The following CFAP47 variants were observed in gnomAD, a reference collection of about 807,000 sequenced individuals.
CFAP47 encodes cilia and flagella associated protein 47.
CFAP47 carries 29 observed loss-of-function variants against 148.1 expected under a neutral mutation model. That is an observed-to-expected ratio of 0.20 (90% CI 0.15 to 0.27). The LOEUF (loss-of-function observed/expected upper bound fraction) is 0.27. Ranked by LOEUF, CFAP47 falls within the 10% of genes least tolerant of loss-of-function variation. The pLI is 1.00. For missense variants in CFAP47, 1,872 were observed against 1,697.5 expected, an observed-to-expected ratio of 1.10 and a Z score of -1.81; for synonymous variants, 664 against 577.3, an observed-to-expected ratio of 1.15 and a Z score of -2.15.
At chrX:36,363,708 TATATC>T (rs1159720916) in intron 61 of CFAP47, among the ~76,000 whole-genome samples, 2 of 111,955 alleles carry the variant, frequency 1.8e-5, no homozygotes, top group Non-Finnish European at 3.8e-5. Flanking sequence ...AAAAAGAAAA[TATATC>T]ATGTTTCACA....
chrX:36,292,454 G>T (rs1556005723), intron 51 of CFAP47, among the ~76,000 whole-genome samples: 1 of 111,718 alleles, frequency 9.0e-6, no homozygotes, highest in Non-Finnish European at 1.9e-5. Context: ...TAAAATTGAA[G>T]ATTTCCTCAA....
intron 26 of CFAP47, among the ~76,000 whole-genome samples, chrX:36,052,911 C>T (rs888298082): frequency 1.9e-4 from 21 of 111,519 alleles, no homozygotes; most frequent in Non-Finnish European, 4.0e-4. Flanking sequence ...ATTTAGCATG[C>T]CTCTTTCAGA....
At position 36,384,977 on chromosome X, in the gene CFAP47, A is replaced by G; in HGVS notation, c.9535A>G (p.Lys3179Glu). The G allele has an allele frequency of 8.6e-7, 1 of 1,164,997 alleles. No individual in the cohort carries two copies. The highest frequency in any genetic ancestry group is 1.1e-6 in the Non-Finnish European group (1 of 870,324). ...AAGAACAGGGGTGTCTTCCACCATC[A>G]AGGGTGCTCCTTTGGTGAAGAATCA... Reference protein sequence around the residue: ...LIRTGVSSTIKGAPLVKNQ With the variant: ...LIRTGVSSTIEGAPLVKNQ Residue 3179 changes from lysine (K) to glutamate (E), a missense_variant, in exon 64 of 64, where the codon AAG becomes GAG. By Grantham distance (56) the Lys-to-Glu change is moderately conservative (BLOSUM62 1). Coordinates refer to ENST00000378653, the MANE Select transcript of CFAP47 (RefSeq NM_001304548.2).
intron 53 of CFAP47, among the ~76,000 whole-genome samples, chrX:36,301,787 G>GGGTT (rs1417768561): frequency 1.8e-5 from 2 of 110,875 alleles, no homozygotes; most frequent in Non-Finnish European, 3.8e-5. Flanking sequence ...TTTGGTCAGT[G>GGGTT]GGTTAATGCC....
At chrX:36,251,002 C>T (rs1280336009) in intron 48 of CFAP47, among the ~76,000 whole-genome samples, 3 of 111,095 alleles carry the variant, frequency 2.7e-5, no homozygotes, top group African/African-American at 9.8e-5. Context: ...TGCCTAAAGA[C>T]AATTGTGCAT....
intron 33 of CFAP47, among the ~76,000 whole-genome samples, chrX:36,132,793 G>A (rs1446442017): frequency 9.0e-6 from 1 of 111,710 alleles, no homozygotes; most frequent in Non-Finnish European, 1.9e-5. Context: ...TACGGCCCAT[G>A]CCTACTGGTA....
intron 45 of CFAP47, among the ~76,000 whole-genome samples, chrX:36,213,354 C>T (rs1198285360): frequency 9.0e-6 from 1 of 111,141 alleles, no homozygotes; most frequent in African/African-American, 3.3e-5. Flanking sequence ...TGCCAGTGGT[C>T]ACCAACCCTG....
chrX:36,384,004 G>C (rs1010563168), intron 63 of CFAP47, among the ~76,000 whole-genome samples: 1 of 111,701 alleles, frequency 9.0e-6, no homozygotes, highest in Non-Finnish European at 1.9e-5. Context: ...GATGGTGATT[G>C]TCAGCAATGA....
chrX:36,025,388 C>CT (rs1489229976), intron 22 of CFAP47, among the ~76,000 whole-genome samples: 1 of 110,465 alleles, frequency 9.1e-6, no homozygotes, highest in Non-Finnish European at 1.9e-5. Flanking sequence ...AATCCTAGCA[C>CT]TTTGGGAGGC....
At chrX:36,060,323 T>C (rs760859339) in intron 26 of CFAP47, among the ~76,000 whole-genome samples, 1 of 111,804 alleles carries the variant, frequency 8.9e-6, no homozygotes, top group African/African-American at 3.2e-5. Flanking sequence ...GAAACAGCAT[T>C]AAAAATCTGT....
chrX:36,315,400 C>T (rs1026017860), intron 56 of CFAP47, among the ~76,000 whole-genome samples: 2 of 112,005 alleles, frequency 1.8e-5, no homozygotes, highest in African/African-American at 6.5e-5. Flanking sequence ...TTATGCTCCA[C>T]AATTTGCACA....
intron 21 of CFAP47, 42 bp downstream of exon 21, chrX:36,001,749 G>T (rs1936918396): frequency 3.5e-6 from 1 of 282,252 alleles, no homozygotes; most frequent in Non-Finnish European, 6.2e-6. Flanking sequence ...GCAGTTATGG[G>T]TATTCCGAAC....
intron 8 of CFAP47, among the ~76,000 whole-genome samples, chrX:35,960,713 A>G (rs942346716): frequency 9.0e-6 from 1 of 111,396 alleles, no homozygotes; most frequent in Non-Finnish European, 1.9e-5. Flanking sequence ...CTGCATATTG[A>G]CCTTGTATTC....
At chrX:35,939,183 A>G (rs1569207720) in intron 2 of CFAP47, among the ~76,000 whole-genome samples, 1 of 111,446 alleles carries the variant, frequency 9.0e-6, no homozygotes, top group Non-Finnish European at 1.9e-5. Flanking sequence ...TTTACCTATT[A>G]GGGCATCCCT....
chrX:35,993,500 A>G (rs1196809673), intron 18 of CFAP47, among the ~76,000 whole-genome samples, 179 bp downstream of exon 18: 1 of 112,355 alleles, frequency 8.9e-6, no homozygotes, highest in East Asian at 2.8e-4. Flanking sequence ...ATGACATTAA[A>G]GAGCAATTTT....
At chrX:36,005,409 C>A (rs1465632908) in intron 21 of CFAP47, among the ~76,000 whole-genome samples, 1 of 111,830 alleles carries the variant, frequency 8.9e-6, no homozygotes, top group Non-Finnish European at 1.9e-5. Flanking sequence ...AAATATTTTG[C>A]AATTTCCCAC....
chrX:36,338,690 T>C (rs1264348728), intron 57 of CFAP47, among the ~76,000 whole-genome samples: 6 of 112,068 alleles, frequency 5.4e-5, no homozygotes, highest in African/African-American at 1.6e-4. Flanking sequence ...CCACATTCAT[T>C]TCTAATGGGA....
chrX:36,041,153 A>T (rs73468964), intron 25 of CFAP47, among the ~76,000 whole-genome samples: 81 of 111,366 alleles, frequency 7.3e-4, no homozygotes, highest in African/African-American at 2.6e-3. Flanking sequence ...AATTAAAGGA[A>T]TATAAAAATA....
intron 57 of CFAP47, among the ~76,000 whole-genome samples, chrX:36,344,255 A>G (rs1364186361): frequency 1.0e-5 from 1 of 97,035 alleles, no homozygotes; most frequent in Non-Finnish European, 1.9e-5. Flanking sequence ...AAAAGAGAGA[A>G]AGAAAAAAAA....
Sources: gnomAD v4.1 joint callset for allele counts (sites outside exome capture counted in the v4.1 genomes callset) on GRCh38, gnomAD v4.1.1 for gene constraint, MANE v1.5 for transcripts, NCBI Gene and HGNC (gene_info 2026-07-23, HGNC 2026-07-21) for gene names.